The following MTF2 variants were observed in gnomAD, a reference collection of about 807,000 sequenced individuals.
MTF2 encodes the protein metal response element binding transcription factor 2, also known as metal-response element-binding transcription factor 2.
Under a neutral mutation model 79.5 loss-of-function variants are expected in MTF2, and 11 were observed. The ratio of observed to expected loss-of-function variants is 0.14; its 90% CI spans 0.09 to 0.23. The LOEUF (loss-of-function observed/expected upper bound fraction) is 0.23, where lower values mean the gene tolerates loss of function less well. Among genes scored for constraint, MTF2 ranks in the 10% least tolerant of loss-of-function variants. MTF2 has a pLI of 1.00. For synonymous variants in MTF2, 208 were observed against 232.8 expected (o/e 0.89, Z 0.97); for missense variants, 486 against 711.2 (o/e 0.68, Z 3.60).
intron 11 of MTF2, 56 bp downstream of exon 11, chr1:93,129,504 G>A (rs931369580): frequency 1.6e-6 from 2 of 1,268,894 alleles, no homozygotes; most frequent in African/African-American, 1.5e-5. Context: ...AACTAAAAAT[G>A]TATGTTATTT....
chr1:93,121,397 T>A, intron 9 of MTF2: 1 of 848,890 alleles, frequency 1.2e-6, no homozygotes, highest in South Asian at 5.5e-5. Context: ...CTACTTTTAG[T>A]TAAAACTAAA....
At chr1:93,106,958 T>A (rs931037054) in intron 1 of MTF2, among the ~76,000 whole-genome samples, 2 of 152,334 alleles carry the variant, frequency 1.3e-5, no homozygotes, top group Non-Finnish European at 2.9e-5. Context: ...TTGTGATTCT[T>A]CCTGCATTTT....
chr1:93,104,784 A>G (rs894330964), intron 1 of MTF2, among the ~76,000 whole-genome samples: 1 of 152,070 alleles, frequency 6.6e-6, no homozygotes, highest in Non-Finnish European at 1.5e-5. Flanking sequence ...GACTTGAACT[A>G]TATAAATTCT....
intron 7 of MTF2, 56 bp downstream of exon 7, chr1:93,118,496 T>G: frequency 8.0e-7 from 1 of 1,253,818 alleles, no homozygotes; most frequent in Non-Finnish European, 1.1e-6. Flanking sequence ...TAATTGTGGT[T>G]ATATTTGTGA....
At chr1:93,096,166 T>G (rs1236701454) in intron 1 of MTF2, among the ~76,000 whole-genome samples, 1 of 152,244 alleles carries the variant, frequency 6.6e-6, no homozygotes, top group Non-Finnish European at 1.5e-5. Context: ...ATTTAGAATT[T>G]CACATGTAAC....
chr1:93,130,010 A>G (rs1347779530), intron 11 of MTF2, among the ~76,000 whole-genome samples: 4 of 152,228 alleles, frequency 2.6e-5, no homozygotes, highest in Non-Finnish European at 5.9e-5. Context: ...GATAATATTT[A>G]AATTAAGACT....
chr1:93,080,367 T>C (rs1189849820), intron 1 of MTF2, among the ~76,000 whole-genome samples: 4 of 152,186 alleles, frequency 2.6e-5, no homozygotes, highest in Admixed American at 2.6e-4. Context: ...CTGGTGTCCT[T>C]GGTTGCTAGA....
At chr1:93,119,855 G>C (rs946578052) in intron 8 of MTF2, 9 of 153,306 alleles carry the variant, frequency 5.9e-5, no homozygotes, top group African/African-American at 1.9e-4. Context: ...TCAACAGATA[G>C]GATTTAACCC....
intron 3 of MTF2, among the ~76,000 whole-genome samples, chr1:93,112,147 C>T (rs1656054351): frequency 6.6e-6 from 1 of 152,150 alleles, no homozygotes; most frequent in African/African-American, 2.4e-5. Flanking sequence ...GTTCCTTTTG[C>T]TGTTCTTGGA....
chr1:93,105,793 A>G lies in MTF2; in HGVS notation c.6-4437A>G, dbSNP rs142261915. Among the ~76,000 whole-genome samples the G allele has an allele frequency of 8.2e-4, 124 of 152,068 alleles. 1 individual carries two copies. The East Asian group carries it at 0.022, about 28-fold the overall frequency. On this transcript the variant is annotated intron_variant, in intron 1 of 14. Coordinates refer to ENST00000370298, the MANE Select transcript of MTF2 (RefSeq NM_007358.4). The stretch of plus-strand genomic sequence containing the variant: ...CGGGTTCAAGCAGTTCTCCTGCCTC[A>G]GCCTCCTGAGTAGCTGGGATTACAG...
intron 7 of MTF2, among the ~76,000 whole-genome samples, chr1:93,118,687 A>C (rs1442089075): frequency 6.6e-6 from 1 of 152,212 alleles, no homozygotes; most frequent in Non-Finnish European, 1.5e-5. Context: ...ACTCTAAAGT[A>C]TTCTCATTGG....
chr1:93,107,483 T>G (rs578260229), intron 1 of MTF2, among the ~76,000 whole-genome samples: 1 of 152,104 alleles, frequency 6.6e-6, no homozygotes, highest in South Asian at 2.1e-4. Context: ...GCCTCGGCCT[T>G]CCAAAATGCT....
At chr1:93,088,173 T>G (rs1397616851) in intron 1 of MTF2, among the ~76,000 whole-genome samples, 1 of 152,218 alleles carries the variant, frequency 6.6e-6, no homozygotes, top group African/African-American at 2.4e-5. Context: ...ACGCTGAACT[T>G]TCCAGTTCAT....
chr1:93,094,475 T>C (rs999908518), intron 1 of MTF2, among the ~76,000 whole-genome samples: 1 of 152,212 alleles, frequency 6.6e-6, no homozygotes, highest in Non-Finnish European at 1.5e-5. Context: ...TTAAAATATA[T>C]GTTTTAAGAT....
At chr1:93,101,045 A>G (rs1404948027) in intron 1 of MTF2, among the ~76,000 whole-genome samples, 2 of 152,232 alleles carry the variant, frequency 1.3e-5, no homozygotes, top group East Asian at 3.8e-4. Flanking sequence ...GAATTGAGAT[A>G]GTTCTTTATT....
chr1:93,126,049 A>G (rs897828752), intron 9 of MTF2, among the ~76,000 whole-genome samples: 5 of 152,042 alleles, frequency 3.3e-5, no homozygotes, highest in Non-Finnish European at 2.9e-5. Flanking sequence ...GTCTGATTCT[A>G]TTATTCCTCC....
chr1:93,091,132 G>A (rs1037591315), intron 1 of MTF2, among the ~76,000 whole-genome samples: 1 of 152,074 alleles, frequency 6.6e-6, no homozygotes, highest in South Asian at 2.1e-4. Flanking sequence ...ATGCAGTCTG[G>A]CATTTGAAGT....
In MTF2 at chr1:93,136,652, G is replaced by C; in HGVS notation, c.1425-18G>C. ...TAAAAAAGCTCAGTAGACAATTCTG[G>C]CCTTCTCTGTTACATAGATTATCTG... On this transcript the variant is annotated intron_variant, in intron 14 of 14. Coordinates refer to ENST00000370298, the MANE Select transcript of MTF2 (RefSeq NM_007358.4). 3 of 1,597,414 alleles carry C rather than the reference G, an allele frequency of 1.9e-6. No homozygotes were observed. Among genetic ancestry groups the C allele is most frequent in the Non-Finnish European group, 2.6e-6 (3 of 1,171,190 alleles).
At chr1:93,105,462 T>A (rs1209277261) in intron 1 of MTF2, among the ~76,000 whole-genome samples, 6 of 152,338 alleles carry the variant, frequency 3.9e-5, no homozygotes, top group African/African-American at 1.4e-4. Context: ...GTTTGTATCC[T>A]ATAATAAACT....
Sources: allele counts gnomAD v4.1 joint callset (sites outside exome capture counted in the v4.1 genomes callset), GRCh38; gene constraint gnomAD v4.1.1; transcripts MANE v1.5; gene names NCBI Gene and HGNC (gene_info 2026-07-23, HGNC 2026-07-21).